The following CAST variants were observed in gnomAD, a reference collection of about 807,000 sequenced individuals.
CAST encodes the protein MIR583 host.
A neutral mutation model predicts 119.6 loss-of-function variants in CAST; 76 were observed. The ratio of observed to expected loss-of-function variants is 0.64; its 90% CI spans 0.53 to 0.77. The LOEUF (loss-of-function observed/expected upper bound fraction) is 0.77. Ranked by LOEUF, CAST falls within the 30% of genes least tolerant of loss-of-function variation. CAST has a pLI of 0.00. For synonymous variants in CAST, 319 were observed against 331.6 expected (o/e 0.96, Z 0.41); for missense variants, 953 against 946.5 (o/e 1.01, Z -0.09).
intron 2 of CAST, among the ~76,000 whole-genome samples, chr5:96,685,159 A>G (rs570713316): frequency 1.3e-4 from 20 of 151,994 alleles, no homozygotes; most frequent in African/African-American, 4.8e-4. Flanking sequence ...GTCCCACCAA[A>G]TTGTCTCTGA....
the CAST span, among the ~76,000 whole-genome samples, chr5:96,118,452 C>T: frequency 3.9e-5 from 6 of 152,046 alleles, no homozygotes; most frequent in African/African-American, 1.4e-4. Context: ...GTTTCTTTCA[C>T]GTAGAGTTTG....
intron 1 of CAST, among the ~76,000 whole-genome samples, chr5:96,560,221 A>G (rs191095793): frequency 6.6e-6 from 1 of 152,120 alleles, no homozygotes. Flanking sequence ...TGGATTAAAG[A>G]CTTAAATGTT....
the CAST span, among the ~76,000 whole-genome samples, chr5:95,977,433 T>C: frequency 1.3e-5 from 2 of 152,252 alleles, no homozygotes; most frequent in Admixed American, 1.3e-4. Context: ...AATTAAGTTG[T>C]GCCGCATGTA....
chr5:96,300,614 T>C, the CAST span, among the ~76,000 whole-genome samples: 1 of 152,286 alleles, frequency 6.6e-6, no homozygotes, highest in East Asian at 1.9e-4. Flanking sequence ...GTTAGAATTT[T>C]TGTCTATATC....
chr5:96,571,331 A>G (rs960659010), intron 1 of CAST, among the ~76,000 whole-genome samples: 10 of 152,186 alleles, frequency 6.6e-5, no homozygotes, highest in African/African-American at 2.4e-4. Flanking sequence ...TTGCTCATTA[A>G]TACCTCTCCA....
the CAST span, among the ~76,000 whole-genome samples, chr5:96,219,373 G>A: frequency 6.6e-6 from 1 of 152,148 alleles, no homozygotes; most frequent in African/African-American, 2.4e-5. Context: ...CTGTCTCATA[G>A]CCCCAAAGTG....
chr5:96,480,232 AG>A, the CAST span, among the ~76,000 whole-genome samples: 4 of 152,188 alleles, frequency 2.6e-5, no homozygotes, highest in Non-Finnish European at 5.9e-5. Flanking sequence ...AGGTTCAGGC[AG>A]GGAAATTTGG....
chr5:96,748,340 T>C (rs1250462185), intron 18 of CAST, among the ~76,000 whole-genome samples, 178 bp from the exon 19 acceptor site: 1 of 152,214 alleles, frequency 6.6e-6, no homozygotes, highest in Non-Finnish European at 1.5e-5. Context: ...CTTAATTGTT[T>C]CATGAAAATT....
At chr5:96,508,387 C>T in the CAST span, among the ~76,000 whole-genome samples, 1 of 152,024 alleles carries the variant, frequency 6.6e-6, no homozygotes, top group Non-Finnish European at 1.5e-5. Flanking sequence ...ATTCAGAGTA[C>T]CTAGTACTTC....
the CAST span, among the ~76,000 whole-genome samples, chr5:96,423,823 C>T: frequency 2.2e-4 from 34 of 152,172 alleles, no homozygotes; most frequent in African/African-American, 7.5e-4. Context: ...TTTCATCTCC[C>T]CCCAAATCCT....
chr5:95,997,412 T>C, the CAST span, among the ~76,000 whole-genome samples: 29 of 152,076 alleles, frequency 1.9e-4, no homozygotes, highest in African/African-American at 6.8e-4. Context: ...AACACCCAAT[T>C]AGATATTGAT....
chr5:96,756,282 A>T (rs1047267572), intron 22 of CAST, among the ~76,000 whole-genome samples: 2 of 152,170 alleles, frequency 1.3e-5, no homozygotes, highest in South Asian at 4.1e-4. Flanking sequence ...AAGTGCTCCC[A>T]GAGTCCCAGG....
At chr5:96,414,790 A>G in the CAST span, among the ~76,000 whole-genome samples, 1 of 152,232 alleles carries the variant, frequency 6.6e-6, no homozygotes, top group South Asian at 2.1e-4. Flanking sequence ...AGCTAATTAC[A>G]TAATTTGTGC....
intron 1 of CAST, among the ~76,000 whole-genome samples, chr5:96,585,190 C>T (rs989609119): frequency 1.3e-5 from 2 of 152,256 alleles, no homozygotes; most frequent in East Asian, 1.9e-4. Context: ...TCGGACTTTA[C>T]GTCCTGATTT....
chr5:96,147,563 A>G, the CAST span, among the ~76,000 whole-genome samples: 1 of 152,234 alleles, frequency 6.6e-6, no homozygotes, highest in African/African-American at 2.4e-5. Context: ...AGATCGCACC[A>G]CTGCACTCCA....
At chr5:96,256,763 AAATAT>A in the CAST span, among the ~76,000 whole-genome samples, 4 of 152,144 alleles carry the variant, frequency 2.6e-5, no homozygotes, top group East Asian at 5.8e-4. Flanking sequence ...TAAAATACAT[AAATAT>A]AATAATAGTA....
At chr5:96,372,364 G>A in the CAST span, among the ~76,000 whole-genome samples, 1 of 152,094 alleles carries the variant, frequency 6.6e-6, no homozygotes, top group African/African-American at 2.4e-5. Flanking sequence ...ATGACCTTCA[G>A]TATTTTGCCA....
the CAST span, chr5:96,397,282 T>C: frequency 0.37 from 567,311 of 1,529,380 alleles, 107,747 homozygotes; most frequent in Admixed American, 0.46. Flanking sequence ...TTAAAAGTGC[T>C]TCAAAATGTT....
chr5:96,043,655 T>C, the CAST span, among the ~76,000 whole-genome samples: 1 of 152,180 alleles, frequency 6.6e-6, no homozygotes, highest in Non-Finnish European at 1.5e-5. Flanking sequence ...AGGATCTCTT[T>C]CTTGTGTTTC....
Sources: gnomAD v4.1 joint callset for allele counts (sites outside exome capture counted in the v4.1 genomes callset) on GRCh38, gnomAD v4.1.1 for gene constraint, MANE v1.5 for transcripts, NCBI Gene and HGNC (gene_info 2026-07-23, HGNC 2026-07-21) for gene names.